Variants in TBL1XR1 observed in about 807,000 individuals in gnomAD.
TBL1XR1 encodes F-box-like/WD repeat-containing protein TBL1XR1.
Under a neutral mutation model 66.9 loss-of-function variants are expected in TBL1XR1, and 5 were observed. The ratio of observed to expected loss-of-function variants is 0.07; its 90% confidence interval spans 0.04 to 0.16. The LOEUF (loss-of-function observed/expected upper bound fraction) is 0.16. TBL1XR1 is among the 10% of genes least tolerant of loss of function. The pLI is 1.00. For missense variants in TBL1XR1, 238 were observed against 623.2 expected (o/e 0.38, Z 6.58); for synonymous variants, 210 against 206.0 (o/e 1.02, Z -0.17).
At chr3:177,105,588 C>T (rs1724779932) in intron 1 of TBL1XR1, among the ~76,000 whole-genome samples, 1 of 152,198 alleles carries the variant, frequency 6.6e-6, no homozygotes, top group South Asian at 2.1e-4. Flanking sequence ...ACACACAAAT[C>T]ATTCAGTTGA....
intron 1 of TBL1XR1, among the ~76,000 whole-genome samples, chr3:177,100,961 T>A (rs1198200546): frequency 6.6e-6 from 1 of 152,120 alleles, no homozygotes; most frequent in Non-Finnish European, 1.5e-5. Flanking sequence ...GCTCAAGTGA[T>A]TCTCCTGCCT....
At chr3:177,060,835 T>A (rs1351775885) in intron 3 of TBL1XR1, among the ~76,000 whole-genome samples, 1 of 152,240 alleles carries the variant, frequency 6.6e-6, no homozygotes, top group Non-Finnish European at 1.5e-5. Flanking sequence ...ATTAGGGCAA[T>A]GAAATTAATG....
intron 1 of TBL1XR1, among the ~76,000 whole-genome samples, chr3:177,119,744 G>C (rs1488013262): frequency 3.3e-5 from 5 of 152,158 alleles, no homozygotes; most frequent in African/African-American, 9.7e-5. Context: ...TACTTGCGTG[G>C]CTAGAAGCTC....
intron 1 of TBL1XR1, among the ~76,000 whole-genome samples, chr3:177,134,809 T>C (rs1388216326): frequency 2.0e-5 from 3 of 152,186 alleles, no homozygotes; most frequent in African/African-American, 7.2e-5. Flanking sequence ...TAATAACATG[T>C]TGTCTCTCTA....
chr3:177,062,862 C>T lies in TBL1XR1; in HGVS notation c.58+2058G>A, dbSNP rs902797244. Reference sequence around the variant, plus strand: ...AAGCAAGTTTAAGAAGACTTTTGGGCCGGGTGTAATGCCTGTAATCCCAGC... The same window carrying T: ...AAGCAAGTTTAAGAAGACTTTTGGGTCGGGTGTAATGCCTGTAATCCCAGC... On this transcript the variant is annotated intron_variant, in intron 3 of 15. Transcript: ENST00000457928. 4.6e-5 allele frequency among the ~76,000 whole-genome samples: 7 copies of T among 151,850 alleles called. No individual in the cohort carries two copies. The East Asian group carries it at 7.7e-4, about 17-fold the overall frequency.
Position 177,093,904 on chromosome 3 carries a change from C to T in TBL1XR1, c.-46+4562G>A, listed in dbSNP as rs75032970. Among the ~76,000 whole-genome samples the T allele has an allele frequency of 4.6e-3, 696 of 152,250 alleles. 4 individuals are homozygous for T. Among genetic ancestry groups the T allele is most frequent in the African/African-American group, 0.015 (627 of 41,570 alleles). The stretch of plus-strand genomic sequence containing the variant: ...AACATTGGGAAAACCCTTCTAGACA[C>T]TAGCTTGGGCAACGACTTCATGACC... On this transcript the variant is annotated intron_variant, in intron 2 of 15. Coordinates refer to ENST00000457928, the MANE Select transcript of TBL1XR1 (RefSeq NM_024665.7).
chr3:177,122,307 T>C (rs1385484469), intron 1 of TBL1XR1, among the ~76,000 whole-genome samples: 4 of 147,672 alleles, frequency 2.7e-5, no homozygotes, highest in East Asian at 2.0e-4. Context: ...AAAAAAACAC[T>C]GTAAGCCTGT....
At chr3:177,033,629 G>A (rs549298717) in intron 13 of TBL1XR1, among the ~76,000 whole-genome samples, 1 of 151,800 alleles carries the variant, frequency 6.6e-6, no homozygotes, top group Non-Finnish European at 1.5e-5. Context: ...ATTATAACTT[G>A]AAACAATAAT....
rs567667027 is a variant in TBL1XR1, at chr3:177,060,897, G to A, written c.58+4023C>T. On this transcript the variant is annotated intron_variant, in intron 3 of 15. Transcript: ENST00000457928. ...ACAATACTTTTGAATCAAGTTAATC[G>A]TTACTTACAGTATTATATATTAAAT... Among the ~76,000 whole-genome samples the A allele has an allele frequency of 4.1e-4, 63 of 152,286 alleles. 1 individual carries two copies. The South Asian group carries it at 0.012, about 29-fold the overall frequency.
At chr3:177,200,744 G>A (rs1409738857), upstream of TBL1XR1, among the ~76,000 whole-genome samples, 4 of 152,190 alleles carry the variant, frequency 2.6e-5, no homozygotes, top group East Asian at 1.9e-4. Flanking sequence ...GGTGGTTCAC[G>A]CCTGTAATCC....
intron 15 of TBL1XR1, among the ~76,000 whole-genome samples, 177 bp from the exon 16 acceptor site, chr3:177,025,701 C>G (rs1385574520): frequency 6.6e-6 from 1 of 152,050 alleles, no homozygotes; most frequent in African/African-American, 2.4e-5. Flanking sequence ...ATCATTTAAG[C>G]AGATCAAGAG....
chr3:177,082,697 C>T (rs1013907846), intron 2 of TBL1XR1, among the ~76,000 whole-genome samples: 3 of 132,792 alleles, frequency 2.3e-5, no homozygotes, highest in Non-Finnish European at 4.7e-5. Flanking sequence ...TTTAATCCAA[C>T]AACTCCCTAA....
chr3:177,175,625 A>G (rs996170448), intron 1 of TBL1XR1, among the ~76,000 whole-genome samples: 5 of 152,206 alleles, frequency 3.3e-5, no homozygotes, highest in East Asian at 3.8e-4. Context: ...TAGGTCCAGA[A>G]AAAACCTCTC....
intron 1 of TBL1XR1, among the ~76,000 whole-genome samples, chr3:177,192,135 C>G (rs146394119): frequency 7.0e-6 from 1 of 143,494 alleles, no homozygotes; most frequent in South Asian, 2.3e-4. Context: ...CGGTGGCTCA[C>G]GCCTGTAATC....
chr3:177,129,909 C>A (rs1432485612), intron 1 of TBL1XR1, among the ~76,000 whole-genome samples: 1 of 152,044 alleles, frequency 6.6e-6, no homozygotes, highest in Non-Finnish European at 1.5e-5. Context: ...CTTTGGGAGG[C>A]CGAGGCAGGC....
chr3:177,159,079 A>AT (rs1325004639), intron 1 of TBL1XR1, among the ~76,000 whole-genome samples: 1 of 152,090 alleles, frequency 6.6e-6, no homozygotes, highest in African/African-American at 2.4e-5. Flanking sequence ...AACAAGAAGA[A>AT]TTTTTTATTT....
At chr3:177,038,917 G>A (rs1361343945) in intron 10 of TBL1XR1, among the ~76,000 whole-genome samples, 1 of 152,134 alleles carries the variant, frequency 6.6e-6, no homozygotes, top group Admixed American at 6.5e-5. Context: ...ACACACAAGA[G>A]TGAGGATAAC....
chr3:177,141,486 A>C (rs564342691), intron 1 of TBL1XR1, among the ~76,000 whole-genome samples: 1 of 152,368 alleles, frequency 6.6e-6, no homozygotes, highest in South Asian at 2.1e-4. Flanking sequence ...TAAACTACAT[A>C]TAAATCGTAT....
intron 1 of TBL1XR1, among the ~76,000 whole-genome samples, chr3:177,145,401 A>T (rs1352475157): frequency 6.6e-6 from 1 of 152,172 alleles, no homozygotes; most frequent in Non-Finnish European, 1.5e-5. Flanking sequence ...TAACCTGGGT[A>T]AACAAATATG....
Sources: allele counts gnomAD v4.1 joint callset (sites outside exome capture counted in the v4.1 genomes callset), GRCh38; gene constraint gnomAD v4.1.1; transcripts MANE v1.5; gene names NCBI Gene and HGNC (gene_info 2026-07-23, HGNC 2026-07-21).